The following DMD variants were observed in gnomAD, a reference collection of about 807,000 sequenced individuals.
DMD encodes the protein dystrophin.
DMD carries 63 observed loss-of-function variants against 330.1 expected under a neutral mutation model. The observed-to-expected ratio is 0.19, with a 90% CI of 0.16 to 0.24. The LOEUF is 0.24. Ranked by LOEUF, DMD falls within the 10% of genes least tolerant of loss-of-function variation. The pLI is 1.00. For missense variants in DMD, 3,344 were observed against 2,684.1 expected, an observed-to-expected ratio of 1.25 and a Z score of -5.43; for synonymous variants, 1,223 against 959.8, an observed-to-expected ratio of 1.27 and a Z score of -5.07.
At chrX:32,075,066 G>A (rs2096332897) in intron 44 of DMD, among the ~76,000 whole-genome samples, 1 of 112,182 alleles carries the variant, frequency 8.9e-6, no homozygotes, top group Admixed American at 9.5e-5. Context: ...GCATTGAAGA[G>A]AGAGGAAGTG....
rs1346333478 is a variant in DMD, at chrX:31,766,662, T to C, written c.7542+7298A>G. On this transcript the variant is annotated intron_variant, in intron 51 of 78. Transcript: ENST00000357033. Reference sequence around the variant, plus strand: ...ACAGTGACTTCCATCAGAATTCATGTAAATATCCTGGATCAGTTTTGCTTG... The same window carrying C: ...ACAGTGACTTCCATCAGAATTCATGCAAATATCCTGGATCAGTTTTGCTTG... Among the ~76,000 whole-genome samples the C allele has an allele frequency of 3.6e-5, 4 of 112,480 alleles. No individual in the cohort carries two copies. The Admixed American group carries it at 3.8e-4, about 11-fold the overall frequency.
intron 2 of DMD, among the ~76,000 whole-genome samples, chrX:32,963,375 T>C (rs1224203211): frequency 8.9e-6 from 1 of 112,026 alleles, no homozygotes; most frequent in African/African-American, 3.2e-5. Context: ...CATACTAAGG[T>C]GTATTTTATA....
rs181471137 is a variant in DMD at position 33,312,473 on chromosome X, A to C, written c.7+26786T>G. On this transcript the variant is annotated intron_variant, in intron 1 of 17. Transcript: ENST00000288447. ...ATGTCTTAGAACCCAAATACAGCTA[A>C]ATAATACACCTGCATAACTTGAATG... Among the ~76,000 whole-genome samples, 5 of 111,827 alleles carry C rather than the reference A, an allele frequency of 4.5e-5. No homozygotes were observed. The Admixed American group carries it at 4.8e-4, about 11-fold the overall frequency.
intron 2 of DMD, among the ~76,000 whole-genome samples, chrX:32,855,971 T>A (rs1274032155): frequency 9.0e-6 from 1 of 111,019 alleles, no homozygotes; most frequent in African/African-American, 3.3e-5. Context: ...TAGAAAAAAA[T>A]ATATATAATC....
chrX:32,175,565 G>A (rs966488402), intron 44 of DMD, among the ~76,000 whole-genome samples: 7 of 110,813 alleles, frequency 6.3e-5, no homozygotes, highest in African/African-American at 9.9e-5. Context: ...AACAGTCACC[G>A]CAGAGGTCCG....
intron 41 of DMD, among the ~76,000 whole-genome samples, chrX:32,332,031 C>T (rs886874630): frequency 1.8e-5 from 2 of 111,391 alleles, no homozygotes; most frequent in Non-Finnish European, 3.8e-5. Flanking sequence ...AACTTAATAG[C>T]TTGTCTTTAT....
At chrX:32,755,538 A>G (rs2071399553) in intron 7 of DMD, among the ~76,000 whole-genome samples, 1 of 112,028 alleles carries the variant, frequency 8.9e-6, no homozygotes, top group African/African-American at 3.2e-5. Context: ...CAACACAGGA[A>G]TATTTGCTCT....
intron 62 of DMD, among the ~76,000 whole-genome samples, chrX:31,273,387 C>T (rs753222502): frequency 4.5e-5 from 5 of 112,192 alleles, no homozygotes; most frequent in Non-Finnish European, 7.5e-5. Flanking sequence ...AAGTAGTCAT[C>T]TGTTACTGTC....
chrX:32,492,271 G>C (rs1207554640), intron 19 of DMD, among the ~76,000 whole-genome samples: 1 of 112,140 alleles, frequency 8.9e-6, no homozygotes, highest in Non-Finnish European at 1.9e-5. Context: ...CCGGGAGGCG[G>C]AGCTTGCAGT....
chrX:32,991,254 T>TTGA (rs2092965990), intron 2 of DMD, among the ~76,000 whole-genome samples: 1 of 111,528 alleles, frequency 9.0e-6, no homozygotes, highest in Admixed American at 9.6e-5. Flanking sequence ...AATCAAGGAT[T>TTGA]TGATTTCTCT....
At chrX:31,467,262 T>G (rs1231485441) in intron 59 of DMD, among the ~76,000 whole-genome samples, 1 of 111,684 alleles carries the variant, frequency 9.0e-6, no homozygotes, top group African/African-American at 3.3e-5. Flanking sequence ...AGGGAGTGCT[T>G]CCAGCTTTTG....
chrX:31,172,885 A>G (rs934012482), intron 72 of DMD, among the ~76,000 whole-genome samples: 6 of 111,828 alleles, frequency 5.4e-5, no homozygotes, highest in African/African-American at 1.6e-4. Flanking sequence ...CTCTCTAAAC[A>G]TTCTGCCACC....
chrX:32,284,019 T>C (rs1470495833), intron 43 of DMD, among the ~76,000 whole-genome samples: 1 of 111,527 alleles, frequency 9.0e-6, no homozygotes, highest in African/African-American at 3.3e-5. Flanking sequence ...GGTAAAGCAA[T>C]GGACTCTGGC....
intron 44 of DMD, among the ~76,000 whole-genome samples, chrX:32,120,941 C>A: frequency 8.9e-6 from 1 of 112,335 alleles, no homozygotes; most frequent in Non-Finnish European, 1.9e-5. Flanking sequence ...TTCTGAAATT[C>A]TGGCTGCTCA....
intron 44 of DMD, among the ~76,000 whole-genome samples, chrX:32,178,940 T>TTCTCTCTCTCTCTC (rs528690053): frequency 3.8e-4 from 26 of 68,614 alleles, no homozygotes; most frequent in East Asian, 2.0e-3. Context: ...AAACCCCAGA[T>TTCTCTCTCTCTCTC]TCTCTCTCTC....
intron 1 of DMD, among the ~76,000 whole-genome samples, chrX:33,134,914 T>C (rs1040245838): frequency 1.8e-5 from 2 of 111,564 alleles, no homozygotes; most frequent in African/African-American, 3.3e-5. Flanking sequence ...GAGAACAACA[T>C]ATAATGTATG....
At chrX:32,130,999 A>G (rs1475094808) in intron 44 of DMD, among the ~76,000 whole-genome samples, 1 of 111,595 alleles carries the variant, frequency 9.0e-6, no homozygotes, top group Non-Finnish European at 1.9e-5. Flanking sequence ...AGCCTGGCCA[A>G]TATGGTGAAA....
At chrX:32,553,597 T>A (rs943610712) in intron 16 of DMD, among the ~76,000 whole-genome samples, 1 of 111,934 alleles carries the variant, frequency 8.9e-6, no homozygotes, top group African/African-American at 3.2e-5. Flanking sequence ...AATAATATTA[T>A]GAGACCACTG....
chrX:31,257,593 CTG>C (rs1447416911), intron 63 of DMD, among the ~76,000 whole-genome samples: 2 of 111,696 alleles, frequency 1.8e-5, no homozygotes, highest in Admixed American at 9.5e-5. Context: ...CTCTGAAACA[CTG>C]TAATTTTGGA....
Sources: allele counts gnomAD v4.1 joint callset (sites outside exome capture counted in the v4.1 genomes callset), GRCh38; gene constraint gnomAD v4.1.1; transcripts MANE v1.5; gene names NCBI Gene and HGNC (gene_info 2026-07-23, HGNC 2026-07-21).